Variants in MOB3B observed in about 807,000 individuals in gnomAD.
MOB3B encodes the protein MOB kinase activator 3B, also known as MOB kinase activator-like 2B.
A neutral mutation model predicts 18.7 loss-of-function variants in MOB3B; 7 were observed. The observed-to-expected ratio is 0.37, with a 90% CI of 0.21 to 0.70. MOB3B has a LOEUF of 0.70. Ranked by LOEUF, MOB3B falls within the 30% of genes least tolerant of loss-of-function variation. The pLI is 0.52. For synonymous variants in MOB3B, 111 were observed against 99.9 expected (o/e 1.11, Z -0.66); for missense variants, 253 against 281.3 (o/e 0.90, Z 0.72).
At chr9:27,334,683 A>G (rs1177257675) in intron 3 of MOB3B, among the ~76,000 whole-genome samples, 1 of 152,242 alleles carries the variant, frequency 6.6e-6, no homozygotes, top group Non-Finnish European at 1.5e-5. Flanking sequence ...AGTGGAGGAT[A>G]GGGAATAATG....
chr9:27,370,913 G>A (rs1821407076), intron 2 of MOB3B, among the ~76,000 whole-genome samples: 1 of 152,066 alleles, frequency 6.6e-6, no homozygotes, highest in Non-Finnish European at 1.5e-5. Flanking sequence ...ATTGCTATAG[G>A]CCCACGTTTA....
At chr9:27,423,590 T>C (rs969068716) in intron 2 of MOB3B, among the ~76,000 whole-genome samples, 1 of 152,192 alleles carries the variant, frequency 6.6e-6, no homozygotes, top group East Asian at 1.9e-4. Context: ...TATGGTTATC[T>C]GATTTCTGCT....
intron 2 of MOB3B, among the ~76,000 whole-genome samples, chr9:27,444,020 T>G (rs898977623): frequency 6.6e-6 from 1 of 151,988 alleles, no homozygotes; most frequent in Non-Finnish European, 1.5e-5. Flanking sequence ...TTATATGGCA[T>G]AATATTTCAA....
chr9:27,381,160 C>T (rs780402484), intron 2 of MOB3B, among the ~76,000 whole-genome samples: 1 of 152,030 alleles, frequency 6.6e-6, no homozygotes, highest in Non-Finnish European at 1.5e-5. Flanking sequence ...TCCTGTTTTC[C>T]TCTTATCTAT....
chr9:27,363,430 G>A (rs1051954635), intron 2 of MOB3B, among the ~76,000 whole-genome samples: 50 of 152,080 alleles, frequency 3.3e-4, no homozygotes, highest in African/African-American at 1.1e-3. Flanking sequence ...CGCCACGCCC[G>A]GCTAATTTTT....
chr9:27,372,641 T>TA (rs1448065548), intron 2 of MOB3B, among the ~76,000 whole-genome samples: 2 of 152,166 alleles, frequency 1.3e-5, no homozygotes, highest in Non-Finnish European at 2.9e-5. Flanking sequence ...CCATAACCCA[T>TA]AAGCCCTATC....
At chr9:27,371,157 G>A (rs1821410119) in intron 2 of MOB3B, among the ~76,000 whole-genome samples, 3 of 152,194 alleles carry the variant, frequency 2.0e-5, no homozygotes, top group Non-Finnish European at 4.4e-5. Context: ...AGCCAGATTT[G>A]GTTGGCAAAT....
rs1052932271 is a variant in MOB3B at position 27,496,344 on chromosome 9, T to C, written c.-199+33211A>G. ...AGTGTTAAGTTTCAATGGACAGCAATAGGAAGCACTTGCCCAAACGTGATC... is the reference window on the plus strand; with the variant it reads ...AGTGTTAAGTTTCAATGGACAGCAACAGGAAGCACTTGCCCAAACGTGATC... On this transcript the variant is annotated intron_variant, in intron 1 of 3. Coordinates refer to ENST00000262244, the MANE Select transcript of MOB3B (RefSeq NM_024761.5). Among the ~76,000 whole-genome samples, 61 of 152,294 alleles carry C rather than the reference T, an allele frequency of 4.0e-4. 1 individual carries two copies. Among genetic ancestry groups the C allele is most frequent in the African/African-American group, 1.5e-3 (61 of 41,556 alleles).
intron 2 of MOB3B, among the ~76,000 whole-genome samples, chr9:27,410,674 G>A (rs557478941): frequency 1.8e-4 from 28 of 152,254 alleles, no homozygotes; most frequent in African/African-American, 6.5e-4. Flanking sequence ...GGCCTGCTTG[G>A]TGGTCTTCAG....
rs377250220 is a variant in MOB3B at position 27,338,130 on chromosome 9, C to T, written c.622-7514G>A. Among the ~76,000 whole-genome samples the T allele has an allele frequency of 1.9e-4, 29 of 152,350 alleles. 1 individual carries two copies. In the South Asian group the frequency reaches 5.8e-3, roughly 30 times the overall value. On this transcript the variant is annotated intron_variant, in intron 3 of 3. Coordinates refer to ENST00000262244, the MANE Select transcript of MOB3B (RefSeq NM_024761.5). ...TCCTACTAGATCAAGTCCTCAACTT[C>T]CCATGACTTGCAAGGACTTCTGGAT...
chr9:27,363,565 G>C (rs902631585), intron 2 of MOB3B, among the ~76,000 whole-genome samples: 3 of 150,632 alleles, frequency 2.0e-5, no homozygotes, highest in Non-Finnish European at 4.4e-5. Context: ...ACCACGCCCG[G>C]CTCAGTTTTT....
chr9:27,402,735 C>T (rs1410199206), intron 2 of MOB3B, among the ~76,000 whole-genome samples: 1 of 152,254 alleles, frequency 6.6e-6, no homozygotes, highest in Non-Finnish European at 1.5e-5. Flanking sequence ...TGTGTGGACA[C>T]TATCAGGGTT....
intron 2 of MOB3B, among the ~76,000 whole-genome samples, chr9:27,365,362 CTCTTT>C (rs1053241373): frequency 9.6e-6 from 1 of 104,264 alleles, no homozygotes; most frequent in Non-Finnish European, 2.1e-5. Flanking sequence ...CTTCCTTCTT[CTCTTT>C]TTTTTTTTTT....
chr9:27,336,018 C>G (rs1820857753), intron 3 of MOB3B, among the ~76,000 whole-genome samples: 1 of 152,076 alleles, frequency 6.6e-6, no homozygotes, highest in African/African-American at 2.4e-5. Flanking sequence ...GTCTACAGAC[C>G]CAAGTAAAAT....
At chr9:27,480,035 C>T (rs951192861) in intron 1 of MOB3B, among the ~76,000 whole-genome samples, 1 of 135,354 alleles carries the variant, frequency 7.4e-6, no homozygotes. Flanking sequence ...TCAGCCTGGG[C>T]AACAGAGCAA....
intron 2 of MOB3B, among the ~76,000 whole-genome samples, chr9:27,413,434 C>T (rs1319982529): frequency 6.6e-6 from 1 of 152,090 alleles, no homozygotes; most frequent in Non-Finnish European, 1.5e-5. Context: ...GACCACTGCA[C>T]TGAATAAGTT....
chr9:27,508,120 C>T lies in MOB3B; in HGVS notation c.-199+21435G>A, dbSNP rs560247314. ...ACCAAAGGAATTCACTTGGGAAATA[C>T]GACTTTCTCTGTGATACGTACTCAG... On this transcript the variant is annotated intron_variant, in intron 1 of 3. Coordinates refer to ENST00000262244, the MANE Select transcript of MOB3B (RefSeq NM_024761.5). Among the ~76,000 whole-genome samples, 6 of 152,258 alleles carry T rather than the reference C, an allele frequency of 3.9e-5. No individual in the cohort carries two copies. The South Asian group carries it at 6.2e-4, about 16-fold the overall frequency.
At chr9:27,437,084 C>T (rs1822515607) in intron 2 of MOB3B, among the ~76,000 whole-genome samples, 1 of 152,040 alleles carries the variant, frequency 6.6e-6, no homozygotes, top group African/African-American at 2.4e-5. Context: ...AGGGGAAATC[C>T]TGAAAGAGGA....
At chr9:27,334,948 T>C (rs956997821) in intron 3 of MOB3B, among the ~76,000 whole-genome samples, 10 of 152,192 alleles carry the variant, frequency 6.6e-5, no homozygotes, top group Non-Finnish European at 1.3e-4. Context: ...CTCAGCCTCC[T>C]GAGTAGCTGG....
Sources: allele counts gnomAD v4.1 joint callset (sites outside exome capture counted in the v4.1 genomes callset), GRCh38; gene constraint gnomAD v4.1.1; transcripts MANE v1.5; gene names NCBI Gene and HGNC (gene_info 2026-07-23, HGNC 2026-07-21).